The following TCF12 variants were observed in gnomAD, a reference collection of about 807,000 sequenced individuals.
The protein encoded by TCF12 is DNA-binding protein HTF4.
A neutral mutation model predicts 86.0 loss-of-function variants in TCF12; 45 were observed. The observed-to-expected ratio is 0.52, with a 90% CI of 0.41 to 0.67. TCF12 has a LOEUF of 0.67. TCF12 is among the 30% of genes least tolerant of loss of function. TCF12 has a pLI of 0.00. For synonymous variants in TCF12, 330 were observed against 299.6 expected (o/e 1.10, Z -1.05); for missense variants, 881 against 859.9 (o/e 1.02, Z -0.31).
At chr15:56,947,371 C>G (rs939064222) in intron 3 of TCF12, among the ~76,000 whole-genome samples, 1 of 152,074 alleles carries the variant, frequency 6.6e-6, no homozygotes, top group Non-Finnish European at 1.5e-5. Context: ...TCTGGAGATC[C>G]TTCTCTGCGT....
rs200895018 is a variant in TCF12 at position 57,278,547 on chromosome 15, A to T, written c.1979-3898A>T. 367 of 114,524 alleles carry T rather than the reference A, an allele frequency of 3.2e-3. 2 individuals carry two copies. Among genetic ancestry groups the T allele is most frequent in the Middle Eastern group, 0.018 (4 of 220 alleles). 7.1% of individuals were successfully genotyped at this position (114,524 alleles called of 1,614,324 possible). ...GGGAGCAATCACTGTAAAAAAAAAA[A>T]TTTTTTTTCTTTTCCAAGTTGAGGT... On this transcript the variant is annotated intron_variant, in intron 19 of 20. Coordinates refer to ENST00000333725, the MANE Select transcript of TCF12 (RefSeq NM_207037.2).
upstream of TCF12, chr15:56,918,389 CGAG>C: frequency 2.7e-6 from 1 of 371,884 alleles, no homozygotes; most frequent in Non-Finnish European, 5.4e-6. Context: ...GAGGCCCGGA[CGAG>C]GCTTCGTCGG....
chr15:57,057,491 C>T (rs1223071541), intron 3 of TCF12, among the ~76,000 whole-genome samples: 1 of 152,210 alleles, frequency 6.6e-6, no homozygotes, highest in African/African-American at 2.4e-5. Flanking sequence ...TTTATATTTT[C>T]ATCCCAATCA....
At chr15:57,112,027 C>T (rs1003956465) in intron 5 of TCF12, among the ~76,000 whole-genome samples, 18 of 152,196 alleles carry the variant, frequency 1.2e-4, no homozygotes, top group African/African-American at 3.4e-4. Flanking sequence ...ATAGTGATCA[C>T]AGGAATATTT....
intron 17 of TCF12, 74 bp downstream of exon 17, chr15:57,262,282 C>A: frequency 9.4e-7 from 1 of 1,065,740 alleles, no homozygotes; most frequent in Non-Finnish European, 1.4e-6. Flanking sequence ...TTTCTCACAG[C>A]TGGATTGACA....
intron 3 of TCF12, among the ~76,000 whole-genome samples, chr15:56,959,606 A>T (rs1749940720): frequency 6.6e-6 from 1 of 152,164 alleles, no homozygotes. Context: ...TACATATTAA[A>T]CCTTTTTTTC....
intron 3 of TCF12, among the ~76,000 whole-genome samples, chr15:57,003,635 C>T (rs2064179026): frequency 6.6e-6 from 1 of 152,222 alleles, no homozygotes; most frequent in Non-Finnish European, 1.5e-5. Context: ...TATTCGTTGT[C>T]TGCTGGGAAT....
chr15:57,288,479 G>A lies in TCF12; in HGVS notation c.*2334G>A, dbSNP rs1597944598. 2 of 152,714 alleles carry A rather than the reference G, an allele frequency of 1.3e-5. No individual in the cohort carries two copies. The highest frequency in any genetic ancestry group is 3.4e-3 in the Middle Eastern group (1 of 294). 9.5% of individuals were successfully genotyped at this position (152,714 alleles called of 1,614,324 possible). On this transcript the variant is annotated 3_prime_UTR_variant, in exon 21 of 21. Transcript: ENST00000333725. ...AACACAATATGTATATAACATTTAT[G>A]TAGCAATAAATGTGCCATCTTTTTT...
intron 4 of TCF12, among the ~76,000 whole-genome samples, chr15:57,071,936 T>C (rs1555497675): frequency 1.3e-5 from 2 of 152,224 alleles, no homozygotes; most frequent in Non-Finnish European, 2.9e-5. Flanking sequence ...TCAGCTTACT[T>C]TGTGGGAAAA....
intron 3 of TCF12, among the ~76,000 whole-genome samples, chr15:57,033,747 C>T (rs1294655661): frequency 6.6e-6 from 1 of 152,040 alleles, no homozygotes; most frequent in Non-Finnish European, 1.5e-5. Context: ...TTATTTAATT[C>T]TAAAGATGTA....
In TCF12 at chr15:57,288,285, A is replaced by T. The variant is rs1820701236; in HGVS notation, c.*2140A>T. 1 of 152,626 alleles carries T rather than the reference A, an allele frequency of 6.6e-6. No individual in the cohort carries two copies. Among genetic ancestry groups the T allele is most frequent in the African/African-American group, 2.4e-5 (1 of 41,456 alleles). 9.5% of individuals were successfully genotyped at this position (152,626 alleles called of 1,614,324 possible). A position where few individuals can be genotyped will look rare whatever the true frequency, so the allele number is the denominator to read the frequency against. On this transcript the variant is annotated 3_prime_UTR_variant, in exon 21 of 21. Coordinates refer to ENST00000333725, the MANE Select transcript of TCF12 (RefSeq NM_207037.2). Reference sequence around the variant, plus strand: ...CTAGCATACCGTGTAGTACCTATGGAGTATTGTAAGAGCTAATTGTTGGAG... The same window carrying T: ...CTAGCATACCGTGTAGTACCTATGGTGTATTGTAAGAGCTAATTGTTGGAG...
chr15:57,239,515 CAAA>C (rs67591734), intron 12 of TCF12, among the ~76,000 whole-genome samples: 1 of 107,170 alleles, frequency 9.3e-6, no homozygotes, highest in African/African-American at 4.2e-5. Context: ...GACTCCATCT[CAAA>C]AAAAAAAAAA....
chr15:57,192,307 A>C lies in TCF12; in HGVS notation c.526+14A>C. On this transcript the variant is annotated intron_variant, in intron 7 of 20. Transcript: ENST00000333725. ...CTGCAGCGCTTGGTGAGTGTATCAC[A>C]CAACAAATCCCATCCCACATATGTT... The C allele has an allele frequency of 6.2e-7, 1 of 1,612,666 alleles. No homozygotes were observed. Among genetic ancestry groups the C allele is most frequent in the Non-Finnish European group, 8.5e-7 (1 of 1,179,398 alleles).
rs368466180 is a variant in TCF12 at position 57,030,724 on chromosome 15, A to C, written c.149-33026A>C. Among the ~76,000 whole-genome samples the C allele has an allele frequency of 7.9e-4, 121 of 152,284 alleles. 2 individuals are homozygous for C. In the South Asian group the frequency reaches 0.024, roughly 30 times the overall value. On this transcript the variant is annotated intron_variant, in intron 3 of 20. Transcript: ENST00000333725. ...TTCTCTTCTTTTTCTGTTTTCAATCATTTTGAAAATATAATTTAATTTCCA... is the reference window on the plus strand; with the variant it reads ...TTCTCTTCTTTTTCTGTTTTCAATCCTTTTGAAAATATAATTTAATTTCCA...
chr15:57,185,137 A>G (rs573025807), intron 6 of TCF12, among the ~76,000 whole-genome samples: 1 of 152,320 alleles, frequency 6.6e-6, no homozygotes, highest in South Asian at 2.1e-4. Flanking sequence ...TCTTCTCTCT[A>G]CTTTCCTCCT....
chr15:57,009,923 T>C (rs1267383109), intron 3 of TCF12, among the ~76,000 whole-genome samples: 1 of 152,022 alleles, frequency 6.6e-6, no homozygotes, highest in African/African-American at 2.4e-5. Flanking sequence ...TGAAATAAGG[T>C]ATTTGGATTT....
At chr15:57,180,531 A>G (rs184993512) in intron 6 of TCF12, among the ~76,000 whole-genome samples, 3 of 152,230 alleles carry the variant, frequency 2.0e-5, no homozygotes, top group Admixed American at 1.3e-4. Context: ...CTATTCCTTT[A>G]ATTTCCACAT....
intron 3 of TCF12, among the ~76,000 whole-genome samples, chr15:56,985,143 C>CT (rs2063120538): frequency 6.6e-6 from 1 of 152,156 alleles, no homozygotes; most frequent in Non-Finnish European, 1.5e-5. Flanking sequence ...AGAAGATACA[C>CT]TTTTATTTCC....
At chr15:57,279,262 T>C (rs2061570493) in intron 19 of TCF12, among the ~76,000 whole-genome samples, 1 of 152,190 alleles carries the variant, frequency 6.6e-6, no homozygotes, top group South Asian at 2.1e-4. Context: ...ATAACATAAA[T>C]ATTTTCCTAG....
Sources: allele counts gnomAD v4.1 joint callset (sites outside exome capture counted in the v4.1 genomes callset), GRCh38; gene constraint gnomAD v4.1.1; transcripts MANE v1.5; gene names NCBI Gene and HGNC (gene_info 2026-07-23, HGNC 2026-07-21).